Variants in CEP128 observed in about 807,000 individuals in gnomAD.
CEP128 encodes the protein centrosomal protein 128.
A neutral mutation model predicts 156.7 loss-of-function variants in CEP128; 132 were observed. The observed-to-expected ratio is 0.84, with a 90% CI of 0.73 to 0.97. The LOEUF (loss-of-function observed/expected upper bound fraction) is 0.97. CEP128 is among the 50% of genes least tolerant of loss of function. The pLI, the probability that CEP128 is intolerant of heterozygous loss-of-function variation, is 0.00. For synonymous variants in CEP128, 469 were observed against 448.9 expected (o/e 1.04, Z -0.57); for missense variants, 1,252 against 1,281.9 (o/e 0.98, Z 0.36).
At chr14:80,635,646 T>C (rs1382196977) in intron 19 of CEP128, among the ~76,000 whole-genome samples, 1 of 152,242 alleles carries the variant, frequency 6.6e-6, no homozygotes, top group Non-Finnish European at 1.5e-5. Context: ...GTATACATTA[T>C]GTGTCAGGTA....
At chr14:80,911,135 C>A (rs1484592659) in intron 4 of CEP128, among the ~76,000 whole-genome samples, 1 of 152,168 alleles carries the variant, frequency 6.6e-6, no homozygotes, top group Non-Finnish European at 1.5e-5. Context: ...TACACTCCAA[C>A]CTAAATCTAT....
chr14:80,573,400 C>A (rs7140221), intron 20 of CEP128, among the ~76,000 whole-genome samples: 2 of 151,866 alleles, frequency 1.3e-5, no homozygotes, highest in Non-Finnish European at 2.9e-5. Flanking sequence ...TGAAGTCTTG[C>A]GCTTTTCATC....
chr14:80,706,497 G>T (rs1040136368), intron 19 of CEP128, among the ~76,000 whole-genome samples: 4 of 151,972 alleles, frequency 2.6e-5, no homozygotes, highest in Non-Finnish European at 4.4e-5. Flanking sequence ...AGGCCTCCAT[G>T]ATTTCAGATG....
At chr14:80,717,264 G>A (rs1897641939) in intron 19 of CEP128, among the ~76,000 whole-genome samples, 1 of 152,076 alleles carries the variant, frequency 6.6e-6, no homozygotes, top group African/African-American at 2.4e-5. Flanking sequence ...TAGCAGAATT[G>A]AAATCAAATA....
At position 80,577,354 on chromosome 14, in the gene CEP128, C is replaced by T. The variant is rs187856615; in HGVS notation, c.2856+3020G>A. Among the ~76,000 whole-genome samples the T allele has an allele frequency of 2.6e-5, 4 of 152,292 alleles. No individual in the cohort carries two copies. In the East Asian group the frequency reaches 7.7e-4, roughly 29 times the overall value. ...CTGAGCTCCAGACTCAAATGAACCTCCCTTAACATTACCACCTGGACATTT... is the reference window on the plus strand; with the variant it reads ...CTGAGCTCCAGACTCAAATGAACCTTCCTTAACATTACCACCTGGACATTT... On this transcript the variant is annotated intron_variant, in intron 20 of 24. Coordinates refer to ENST00000555265, the MANE Select transcript of CEP128 (RefSeq NM_152446.5).
intron 6 of CEP128, among the ~76,000 whole-genome samples, chr14:80,901,351 A>C (rs1204037819): frequency 6.6e-6 from 1 of 152,252 alleles, no homozygotes; most frequent in Non-Finnish European, 1.5e-5. Flanking sequence ...ATTTATAATA[A>C]AACTACGTTA....
chr14:80,955,353 G>GA, intron 2 of CEP128: 2 of 477,234 alleles, frequency 4.2e-6, no homozygotes, highest in African/African-American at 1.9e-5. Context: ...GCCCGGGGTG[G>GA]GGGGGCGGGC....
chr14:80,883,869 A>G (rs1489366280), intron 8 of CEP128, among the ~76,000 whole-genome samples: 1 of 152,214 alleles, frequency 6.6e-6, no homozygotes, highest in African/African-American at 2.4e-5. Flanking sequence ...TAGAACTGGC[A>G]TAGAAACAGA....
At chr14:80,884,915 A>G (rs988297067) in intron 8 of CEP128, among the ~76,000 whole-genome samples, 1 of 152,182 alleles carries the variant, frequency 6.6e-6, no homozygotes, top group Non-Finnish European at 1.5e-5. Flanking sequence ...CTGGCTTGAA[A>G]TTCTTGCTGC....
chr14:80,760,718 T>G (rs1312069988), intron 17 of CEP128, among the ~76,000 whole-genome samples: 1 of 152,150 alleles, frequency 6.6e-6, no homozygotes, highest in South Asian at 2.1e-4. Context: ...CTGACAGAAG[T>G]GCTTACCTGC....
intron 19 of CEP128, among the ~76,000 whole-genome samples, chr14:80,666,192 C>T (rs1396030049): frequency 1.3e-5 from 2 of 151,930 alleles, no homozygotes; most frequent in Admixed American, 1.3e-4. Flanking sequence ...TTAAATAAAA[C>T]AATAGTATGA....
At chr14:80,642,782 G>A (rs959725605) in intron 19 of CEP128, among the ~76,000 whole-genome samples, 3 of 150,254 alleles carry the variant, frequency 2.0e-5, no homozygotes, top group African/African-American at 7.3e-5. Flanking sequence ...TTGAGACAGA[G>A]TCTTGCTCTG....
chr14:80,880,555 A>G (rs1356183794), intron 8 of CEP128, among the ~76,000 whole-genome samples: 2 of 152,124 alleles, frequency 1.3e-5, no homozygotes, highest in Non-Finnish European at 2.9e-5. Context: ...AAATGGTCCT[A>G]CACATCAAAA....
At chr14:80,590,369 AT>A (rs1207359539) in intron 19 of CEP128, among the ~76,000 whole-genome samples, 6 of 152,166 alleles carry the variant, frequency 3.9e-5, no homozygotes, top group Non-Finnish European at 7.4e-5. Flanking sequence ...CAGAAACAAT[AT>A]CTTACTTACA....
chr14:80,883,208 AT>A (rs1331663095), intron 8 of CEP128, among the ~76,000 whole-genome samples: 4 of 152,100 alleles, frequency 2.6e-5, no homozygotes, highest in Non-Finnish European at 4.4e-5. Context: ...TAAATAAAAA[AT>A]TTTTTAAAAT....
intron 23 of CEP128, among the ~76,000 whole-genome samples, chr14:80,507,442 C>T (rs1210915146): frequency 1.3e-5 from 2 of 152,172 alleles, no homozygotes; most frequent in East Asian, 3.9e-4. Context: ...GGTAAACTAG[C>T]TACTGTAGTT....
intron 2 of CEP128, among the ~76,000 whole-genome samples, chr14:80,937,475 A>G (rs911929944): frequency 7.2e-5 from 11 of 152,116 alleles, no homozygotes; most frequent in Non-Finnish European, 1.5e-4. Flanking sequence ...TCACTCATCC[A>G]TTCATCCATG....
intron 8 of CEP128, among the ~76,000 whole-genome samples, chr14:80,889,314 T>C (rs1405558065): frequency 6.6e-6 from 1 of 152,220 alleles, no homozygotes; most frequent in East Asian, 1.9e-4. Flanking sequence ...AGAGCCTGCA[T>C]AGCCAAACAA....
downstream of CEP128, among the ~76,000 whole-genome samples, chr14:80,495,189 G>A (rs952653538): frequency 6.6e-6 from 1 of 152,178 alleles, no homozygotes; most frequent in African/African-American, 2.4e-5. Context: ...TTCAAACAGG[G>A]CTGATATCAC....
Sources: allele counts gnomAD v4.1 joint callset (sites outside exome capture counted in the v4.1 genomes callset), GRCh38; gene constraint gnomAD v4.1.1; transcripts MANE v1.5; gene names NCBI Gene and HGNC (gene_info 2026-07-23, HGNC 2026-07-21).